PITPNM3: variants seen among roughly 807,000 people sequenced by gnomAD.
PITPNM3 encodes the protein membrane-associated phosphatidylinositol transfer protein 3.
In PITPNM3, 26 loss-of-function variants were observed where a neutral mutation model predicts 102.0. The ratio of observed to expected loss-of-function variants is 0.25; its 90% confidence interval spans 0.19 to 0.35. The LOEUF is 0.35. Among genes scored for constraint, PITPNM3 ranks in the 10% least tolerant of loss-of-function variants. The pLI, the probability that PITPNM3 is intolerant of heterozygous loss-of-function variation, is 1.00. For synonymous variants in PITPNM3, 578 were observed against 558.6 expected (o/e 1.03, Z -0.49); for missense variants, 1,083 against 1,346.1 (o/e 0.80, Z 3.06).
chr17:6,472,949 C>T lies in PITPNM3; in HGVS notation c.1259-122G>A, dbSNP rs1054588805. ...CCCTCTCAAGAGCCTCCCCGGGCTC[C>T]CTGCTCCCCACGGGAACAAAGCCAT... On this transcript the variant is annotated intron_variant, in intron 10 of 19. Coordinates refer to ENST00000262483, the MANE Select transcript of PITPNM3 (RefSeq NM_031220.4). This position sits in a 1 kb window ranked among gnomAD's most constrained non-coding sequence, Gnocchi z 4.1. 2 of 1,207,788 alleles carry T rather than the reference C, an allele frequency of 1.7e-6. No individual in the cohort carries two copies. The highest frequency in any genetic ancestry group is 2.4e-6 in the Non-Finnish European group (2 of 843,310). 74.8% of individuals were successfully genotyped at this position (1,207,788 alleles called of 1,614,324 possible).
chr17:6,543,398 T>C (rs1186026580), intron 1 of PITPNM3, among the ~76,000 whole-genome samples: 1 of 152,220 alleles, frequency 6.6e-6, no homozygotes, highest in African/African-American at 2.4e-5. Context: ...CCTATGTGTG[T>C]TCTGCTCTAT....
Position 6,451,757 on chromosome 17 carries a change from A to G in PITPNM3, c.*3581T>C, listed in dbSNP as rs962642238. The G allele has an allele frequency of 2.1e-5, 3 of 143,074 alleles. No homozygotes were observed. Among genetic ancestry groups the G allele is most frequent in the African/African-American group, 5.4e-5 (2 of 37,382 alleles). The allele number at this position is 143,074 out of a possible 1,614,324, so 8.9% of individuals were successfully genotyped here. A position where few individuals can be genotyped will look rare whatever the true frequency, so the allele number is the denominator to read the frequency against. On this transcript the variant is annotated 3_prime_UTR_variant, in exon 20 of 20. Coordinates refer to ENST00000262483, the MANE Select transcript of PITPNM3 (RefSeq NM_031220.4). ...AGGTCAGGCCTCACTGCTTGGACTT[A>G]ACCCTAACTATGATTTTTACGAAGG...
At chr17:6,489,186 G>A (rs976672355) in intron 4 of PITPNM3, among the ~76,000 whole-genome samples, 5 of 152,188 alleles carry the variant, frequency 3.3e-5, no homozygotes, top group Admixed American at 3.3e-4. Flanking sequence ...CCCAAGCAAA[G>A]CATCACCCCA....
At chr17:6,494,409 C>T (rs1296002363) in intron 4 of PITPNM3, among the ~76,000 whole-genome samples, 2 of 152,184 alleles carry the variant, frequency 1.3e-5, no homozygotes, top group Non-Finnish European at 2.9e-5. Flanking sequence ...CTAATGATCC[C>T]CTGTCAAGTC....
At chr17:6,530,342 T>A (rs1909076733) in intron 2 of PITPNM3, among the ~76,000 whole-genome samples, 1 of 152,204 alleles carries the variant, frequency 6.6e-6, no homozygotes, top group African/African-American at 2.4e-5. Flanking sequence ...ACTTTGAAAT[T>A]TCGTCTGTAA....
intron 4 of PITPNM3, 110 bp from the exon 5 acceptor site, chr17:6,484,402 G>A: frequency 1.8e-6 from 2 of 1,110,574 alleles, no homozygotes. Flanking sequence ...CATCACAGGT[G>A]AGCTCAAGTT....
rs1914172105 is a variant in PITPNM3, at chr17:6,457,741, A to G, written c.2491-19T>C. On this transcript the variant is annotated intron_variant, in intron 18 of 19. Transcript: ENST00000262483. The surrounding 1 kb of genome is among the most constrained non-coding windows in gnomAD (Gnocchi z 4.7). Reference sequence around the variant, plus strand: ...TGAAGCACTGAAACACAGGGCAGGCATAGGGGGAGAGTGAGGCCAGCCCAC... The same window carrying G: ...TGAAGCACTGAAACACAGGGCAGGCGTAGGGGGAGAGTGAGGCCAGCCCAC... 5 of 1,568,150 alleles carry G rather than the reference A, an allele frequency of 3.2e-6. No individual in the cohort carries two copies. The highest frequency in any genetic ancestry group is 1.7e-4 in the Middle Eastern group (1 of 5,920).
intron 2 of PITPNM3, among the ~76,000 whole-genome samples, chr17:6,534,842 C>T (rs984800653): frequency 1.3e-5 from 2 of 152,122 alleles, no homozygotes; most frequent in Admixed American, 6.5e-5. Flanking sequence ...AGTACAGATG[C>T]AGGAGCTCTC....
In PITPNM3 at chr17:6,537,970, G is replaced by A. The variant is rs752322084; in HGVS notation, c.118+17C>T. On this transcript the variant is annotated intron_variant, in intron 2 of 19. Transcript: ENST00000262483. The surrounding 1 kb of genome is among the most constrained non-coding windows in gnomAD (Gnocchi z 4.4). ...GAAGGTCACCCAGCCAGTGATATGA[G>A]ACTGGGGTTCACTCACCTCTGGCAT... is the stretch of plus-strand genomic sequence containing the variant. 1.3e-5 allele frequency: 20 copies of A among 1,599,118 alleles called. No individual in the cohort carries two copies. The highest frequency in any genetic ancestry group is 2.2e-5 in the East Asian group (1 of 44,772).
chr17:6,493,905 G>T (rs563866304), intron 4 of PITPNM3, among the ~76,000 whole-genome samples: 4 of 152,330 alleles, frequency 2.6e-5, no homozygotes, highest in African/African-American at 9.6e-5. Context: ...CAGATCAGAG[G>T]TGCCATCCTG....
intron 4 of PITPNM3, among the ~76,000 whole-genome samples, chr17:6,492,513 G>A (rs974679000): frequency 3.3e-5 from 5 of 152,184 alleles, no homozygotes; most frequent in African/African-American, 1.2e-4. Flanking sequence ...TGGAAGGAAA[G>A]AATAAATGTG....
At chr17:6,529,169 T>C (rs1459027718) in intron 2 of PITPNM3, among the ~76,000 whole-genome samples, 2 of 152,288 alleles carry the variant, frequency 1.3e-5, no homozygotes, top group East Asian at 1.9e-4. Flanking sequence ...TGACCACAGA[T>C]TGACTCTGAC....
chr17:6,543,912 C>T (rs938463051), intron 1 of PITPNM3, among the ~76,000 whole-genome samples: 6 of 152,110 alleles, frequency 3.9e-5, no homozygotes, highest in African/African-American at 1.4e-4. Flanking sequence ...AGACACAGGC[C>T]AAAACAATCG....
At chr17:6,555,046 C>T (rs1262917178) in intron 1 of PITPNM3, among the ~76,000 whole-genome samples, 2 of 152,116 alleles carry the variant, frequency 1.3e-5, no homozygotes, top group East Asian at 3.9e-4. Flanking sequence ...TTTAAGGAGT[C>T]GGGGTGGGTG....
chr17:6,527,267 T>C (rs557381017), intron 2 of PITPNM3, among the ~76,000 whole-genome samples: 1 of 152,342 alleles, frequency 6.6e-6, no homozygotes, highest in East Asian at 1.9e-4. Flanking sequence ...AGAGCTCAAT[T>C]CTCATGTTAG....
chr17:6,508,690 G>A (rs375631820), intron 3 of PITPNM3, among the ~76,000 whole-genome samples: 5 of 152,270 alleles, frequency 3.3e-5, no homozygotes, highest in South Asian at 2.1e-4. Flanking sequence ...CTCGGGCTTC[G>A]TCTCTCCTGC....
Position 6,538,091 on chromosome 17 carries a change from G to T in PITPNM3, c.23-9C>A. 6.3e-7 allele frequency: 1 copy of T among 1,592,078 alleles called. No individual in the cohort carries two copies. The highest frequency in any genetic ancestry group is 8.6e-7 in the Non-Finnish European group (1 of 1,160,180). On this transcript the variant is annotated splice_polypyrimidine_tract_variant and intron_variant, in intron 1 of 19. Coordinates refer to ENST00000262483, the MANE Select transcript of PITPNM3 (RefSeq NM_031220.4). Reference sequence around the variant, plus strand: ...GCCCGGGGGAGGACCACCTGTTAAAGGGAACACATCTGTTAACCAAGCCTG... The same window carrying T: ...GCCCGGGGGAGGACCACCTGTTAAATGGAACACATCTGTTAACCAAGCCTG...
At chr17:6,519,343 CAAAAAAAAAAAA>C (rs34295318) in intron 3 of PITPNM3, among the ~76,000 whole-genome samples, 3 of 4,148 alleles carry the variant, frequency 7.2e-4, no homozygotes, top group African/African-American at 4.4e-3. Flanking sequence ...GACTCCGTCT[CAAAAAAAAAAAA>C]AAAAAAAAAA....
Position 6,464,297 on chromosome 17 carries a change from C to T in PITPNM3, c.2029G>A (p.Glu677Lys). 1 of 1,613,976 alleles carries T rather than the reference C, an allele frequency of 6.2e-7. No homozygotes were observed. Among genetic ancestry groups the T allele is most frequent in the Non-Finnish European group, 8.5e-7 (1 of 1,180,008 alleles). ...TGTACCCAGCGGCCTGAGGATGGCTCTGCCATTACTAGGATGTCCACCTGC... is the reference window on the plus strand; with the variant it reads ...TGTACCCAGCGGCCTGAGGATGGCTTTGCCATTACTAGGATGTCCACCTGC... ...GEKVDILVMA[E>K]PSSGRWVHLD... is the part of the protein sequence containing the mutation. The change falls in exon 16 of 20, where the codon GAG becomes AAG. Residue 677 changes from glutamate to lysine, a missense_variant. By Grantham distance (56) the Glu-to-Lys change is moderately conservative (BLOSUM62 1). Around this residue, in one of 5 missense-constraint regions of PITPNM3, gnomAD observed 410 missense variants for 638.4 expected, o/e 0.64. Transcript: ENST00000262483.
Sources: allele counts gnomAD v4.1 joint callset (sites outside exome capture counted in the v4.1 genomes callset), GRCh38; gene constraint gnomAD v4.1.1; regional missense constraint gnomAD v4.1.1; non-coding constraint Gnocchi (gnomAD v3.1); transcripts MANE v1.5; gene names NCBI Gene and HGNC (gene_info 2026-07-23, HGNC 2026-07-21).